HPSE2: variants seen among roughly 807,000 people sequenced by gnomAD.
The protein encoded by HPSE2 is heparanase 2 (inactive), also known as inactive heparanase-2.
A neutral mutation model predicts 60.5 loss-of-function variants in HPSE2; 38 were observed. The ratio of observed to expected loss-of-function variants is 0.63; its 90% CI spans 0.48 to 0.82. HPSE2 has a LOEUF of 0.82. Ranked by LOEUF, HPSE2 falls within the 40% of genes least tolerant of loss-of-function variation. The pLI, the probability that HPSE2 is intolerant of heterozygous loss-of-function variation, is 0.00. For missense variants in HPSE2, 713 were observed against 740.4 expected, an observed-to-expected ratio of 0.96 and a Z score of 0.43; for synonymous variants, 295 against 293.2, an observed-to-expected ratio of 1.01 and a Z score of -0.06.
chr10:98,506,409 T>G (rs1286937258), intron 9 of HPSE2, among the ~76,000 whole-genome samples: 1 of 152,200 alleles, frequency 6.6e-6, no homozygotes, highest in Non-Finnish European at 1.5e-5. Flanking sequence ...AAACTTGTCC[T>G]GTTGGCAGAT....
At chr10:98,836,099 G>A (rs1443265102) in intron 3 of HPSE2, among the ~76,000 whole-genome samples, 1 of 152,184 alleles carries the variant, frequency 6.6e-6, no homozygotes, top group African/African-American at 2.4e-5. Context: ...TTTGAAATCA[G>A]CAATATGCTT....
chr10:98,913,824 A>G (rs1047993451), intron 3 of HPSE2, among the ~76,000 whole-genome samples: 2 of 152,242 alleles, frequency 1.3e-5, no homozygotes, highest in African/African-American at 4.8e-5. Context: ...AAAGGGAAAC[A>G]TTTAAGAACT....
the HPSE2 span, among the ~76,000 whole-genome samples, chr10:99,275,774 T>C: frequency 2.6e-5 from 4 of 152,156 alleles, no homozygotes; most frequent in African/African-American, 9.7e-5. Flanking sequence ...GTGTTTCCCC[T>C]AAGGCAGGCA....
At chr10:98,892,926 C>G (rs1953377310) in intron 3 of HPSE2, among the ~76,000 whole-genome samples, 1 of 152,130 alleles carries the variant, frequency 6.6e-6, no homozygotes. Context: ...AGGAGGGCAG[C>G]TAACTGGGGT....
chr10:98,521,088 T>C (rs1006885526), intron 9 of HPSE2, among the ~76,000 whole-genome samples: 2 of 152,178 alleles, frequency 1.3e-5, no homozygotes, highest in Non-Finnish European at 2.9e-5. Flanking sequence ...GGGCAAGGAC[T>C]TCATGTCTAA....
At chr10:98,877,271 C>T (rs1952903175) in intron 3 of HPSE2, among the ~76,000 whole-genome samples, 1 of 151,742 alleles carries the variant, frequency 6.6e-6, no homozygotes, top group South Asian at 2.1e-4. Flanking sequence ...ATATATGCTT[C>T]CTATCACCAT....
intron 3 of HPSE2, among the ~76,000 whole-genome samples, chr10:98,749,947 T>TATATATACACACAC: frequency 4.3e-4 from 42 of 98,448 alleles, no homozygotes; most frequent in African/African-American, 8.3e-4. Flanking sequence ...TATATATATA[T>TATATATACACACAC]ACACACACAC....
intron 6 of HPSE2, among the ~76,000 whole-genome samples, chr10:98,660,730 A>C (rs1224117692): frequency 1.3e-5 from 2 of 152,158 alleles, no homozygotes; most frequent in Admixed American, 1.3e-4. Context: ...TTCCTTTATG[A>C]GGGATGGGGG....
chr10:99,122,297 T>A (rs558447810), intron 3 of HPSE2, among the ~76,000 whole-genome samples: 66 of 152,134 alleles, frequency 4.3e-4, no homozygotes, highest in African/African-American at 1.5e-3. Context: ...TGCATTTAAA[T>A]CATGTGAAAA....
chr10:99,160,894 G>A lies in HPSE2; in HGVS notation c.449-16495C>T, dbSNP rs1303230250. Among the ~76,000 whole-genome samples the A allele has an allele frequency of 1.4e-3, 93 of 66,950 alleles. No individual in the cohort carries two copies. The Middle Eastern group carries it at 0.045, about 33-fold the overall frequency. 43.9% of individuals were successfully genotyped at this position (66,950 alleles called of 152,430 possible). A position where few individuals can be genotyped will look rare whatever the true frequency, so the allele number is the denominator to read the frequency against. ...AGCCTGGGCGACACAGCGAGACTCCGTCTCAAAAAAAAAAAAAAAAAAAAA... is the reference window on the plus strand; with the variant it reads ...AGCCTGGGCGACACAGCGAGACTCCATCTCAAAAAAAAAAAAAAAAAAAAA... On this transcript the variant is annotated intron_variant, in intron 2 of 11. Coordinates refer to ENST00000370552, the MANE Select transcript of HPSE2 (RefSeq NM_021828.5).
At chr10:98,969,918 TC>T (rs1955907649) in intron 3 of HPSE2, among the ~76,000 whole-genome samples, 2 of 151,868 alleles carry the variant, frequency 1.3e-5, no homozygotes, top group African/African-American at 4.8e-5. Context: ...AGAAGGTGTT[TC>T]ACGTGGCAAA....
At chr10:98,690,625 C>T (rs925966861) in intron 6 of HPSE2, among the ~76,000 whole-genome samples, 1 of 151,738 alleles carries the variant, frequency 6.6e-6, no homozygotes, top group African/African-American at 2.4e-5. Flanking sequence ...TCACTTCTTT[C>T]AAAGGTTGAA....
intron 2 of HPSE2, among the ~76,000 whole-genome samples, chr10:99,183,056 G>A (rs938447810): frequency 5.3e-5 from 8 of 152,126 alleles, no homozygotes; most frequent in Non-Finnish European, 1.2e-4. Context: ...TGATCCCTGA[G>A]GAAGGAAAAA....
intron 3 of HPSE2, among the ~76,000 whole-genome samples, chr10:98,939,753 C>G (rs1954931699): frequency 6.9e-6 from 1 of 144,150 alleles, no homozygotes; most frequent in Non-Finnish European, 1.5e-5. Context: ...CCACAGAACT[C>G]TCCAACACAA....
chr10:98,651,933 G>A (rs1204366967), intron 6 of HPSE2, among the ~76,000 whole-genome samples: 1 of 151,890 alleles, frequency 6.6e-6, no homozygotes, highest in Non-Finnish European at 1.5e-5. Flanking sequence ...AACCATGCCT[G>A]GCCGATTTTT....
chr10:98,468,401 C>G (rs902982170), intron 11 of HPSE2, among the ~76,000 whole-genome samples: 8 of 117,414 alleles, frequency 6.8e-5, no homozygotes, highest in Admixed American at 1.8e-4. Context: ...GGGGCAATTA[C>G]TTCAAGTGTG....
chr10:99,269,002 T>C, the HPSE2 span, among the ~76,000 whole-genome samples: 3 of 151,462 alleles, frequency 2.0e-5, no homozygotes, highest in South Asian at 2.1e-4. Flanking sequence ...CTAAAAAAAA[T>C]ACAAAAATTA....
chr10:98,816,505 G>C (rs1308639668), intron 3 of HPSE2, among the ~76,000 whole-genome samples: 1 of 152,100 alleles, frequency 6.6e-6, no homozygotes, highest in Admixed American at 6.5e-5. Flanking sequence ...GGTAACTAAG[G>C]CTAAGGCTTT....
At chr10:99,211,415 A>T (rs1848949311) in intron 2 of HPSE2, among the ~76,000 whole-genome samples, 1 of 152,204 alleles carries the variant, frequency 6.6e-6, no homozygotes, top group Non-Finnish European at 1.5e-5. Context: ...GAGCAAAAAG[A>T]ACTAAGCTGG....
Sources: gnomAD v4.1 joint callset for allele counts (sites outside exome capture counted in the v4.1 genomes callset) on GRCh38, gnomAD v4.1.1 for gene constraint, MANE v1.5 for transcripts, NCBI Gene and HGNC (gene_info 2026-07-23, HGNC 2026-07-21) for gene names.